The following ST7 variants were observed in gnomAD, a reference collection of about 807,000 sequenced individuals.
The protein encoded by ST7 is suppressor of tumorigenicity 7 protein.
Under a neutral mutation model 78.7 loss-of-function variants are expected in ST7, and 28 were observed. That is an observed-to-expected ratio of 0.36 (90% CI 0.26 to 0.49). ST7 has a LOEUF of 0.49. ST7 is among the 20% of genes least tolerant of loss of function. ST7 has a pLI of 0.99. For synonymous variants in ST7, 247 were observed against 249.6 expected, an observed-to-expected ratio of 0.99 and a Z score of 0.10; for missense variants, 418 against 696.0, an observed-to-expected ratio of 0.60 and a Z score of 4.49.
At chr7:116,993,057 A>G (rs1197855397) in intron 1 of ST7, among the ~76,000 whole-genome samples, 1 of 152,152 alleles carries the variant, frequency 6.6e-6, no homozygotes, top group African/African-American at 2.4e-5. Flanking sequence ...AAGCCACTCA[A>G]CAAGTCTCTG....
At chr7:116,977,686 G>T (rs1006897682) in intron 1 of ST7, among the ~76,000 whole-genome samples, 2 of 152,158 alleles carry the variant, frequency 1.3e-5, no homozygotes, top group African/African-American at 2.4e-5. Context: ...CAAGTAGGTG[G>T]GACTACAGGC....
At chr7:117,136,340 GA>G (rs750104260) in intron 8 of ST7, 105 bp downstream of exon 8, 39 of 1,373,224 alleles carry the variant, frequency 2.8e-5, no homozygotes, top group Middle Eastern at 3.7e-4. Flanking sequence ...CTAGACAAGA[GA>G]AAATATTGGC....
chr7:117,108,198 T>C (rs1802133235), intron 2 of ST7, among the ~76,000 whole-genome samples: 1 of 152,216 alleles, frequency 6.6e-6, no homozygotes, highest in Admixed American at 6.5e-5. Context: ...TCCAATGTTA[T>C]CTTCTAGAAC....
At chr7:117,062,561 G>A (rs191878116) in intron 1 of ST7, among the ~76,000 whole-genome samples, 2 of 152,330 alleles carry the variant, frequency 1.3e-5, no homozygotes, top group East Asian at 3.9e-4. Context: ...AGCAGCAGTA[G>A]CAGTGCCATT....
At chr7:117,179,535 G>A (rs901844183) in intron 10 of ST7, among the ~76,000 whole-genome samples, 1 of 152,210 alleles carries the variant, frequency 6.6e-6, no homozygotes, top group Non-Finnish European at 1.5e-5. Flanking sequence ...TGGAGGTGGT[G>A]TCTGAACTGG....
At chr7:117,039,316 G>A (rs1797082042) in intron 1 of ST7, among the ~76,000 whole-genome samples, 1 of 152,216 alleles carries the variant, frequency 6.6e-6, no homozygotes, top group Non-Finnish European at 1.5e-5. Flanking sequence ...GATGGCTCAT[G>A]TAATGTCAGC....
chr7:117,015,105 G>A (rs961888142), intron 1 of ST7: 1 of 624,738 alleles, frequency 1.6e-6, no homozygotes, highest in Non-Finnish European at 2.3e-6. Context: ...CATTGATTGT[G>A]TGAGTACTTT....
At chr7:116,981,324 G>A (rs2116327658) in intron 1 of ST7, among the ~76,000 whole-genome samples, 1 of 152,136 alleles carries the variant, frequency 6.6e-6, no homozygotes, top group Admixed American at 6.6e-5. Flanking sequence ...TGCCCAGGCT[G>A]GTCTCAAACT....
intron 15 of ST7, among the ~76,000 whole-genome samples, chr7:117,225,026 T>C (rs1319864259): frequency 4.6e-5 from 7 of 152,224 alleles, no homozygotes. Context: ...AGCACTCCCC[T>C]GGTGATGCGG....
intron 9 of ST7, among the ~76,000 whole-genome samples, chr7:117,141,366 G>T (rs773960565): frequency 1.3e-5 from 2 of 152,094 alleles, no homozygotes; most frequent in Non-Finnish European, 2.9e-5. Flanking sequence ...AAAAAAAAAT[G>T]AAAGGGAATT....
chr7:117,114,584 A>G (rs933059018), intron 2 of ST7, among the ~76,000 whole-genome samples: 2 of 152,188 alleles, frequency 1.3e-5, no homozygotes, highest in South Asian at 2.1e-4. Flanking sequence ...CTTAAGAAGC[A>G]CTTAGCCAGT....
chr7:117,055,699 T>C (rs1321581307), intron 1 of ST7, among the ~76,000 whole-genome samples: 1 of 152,224 alleles, frequency 6.6e-6, no homozygotes, highest in East Asian at 1.9e-4. Flanking sequence ...TTGGTGTTCA[T>C]ATTTGGGTAA....
At chr7:116,998,338 G>T (rs934971115) in intron 1 of ST7, among the ~76,000 whole-genome samples, 1 of 152,184 alleles carries the variant, frequency 6.6e-6, no homozygotes, top group Admixed American at 6.5e-5. Context: ...ACACTGGCCC[G>T]CAAGTGCCGT....
At chr7:117,051,300 T>C (rs910006625) in intron 1 of ST7, among the ~76,000 whole-genome samples, 1 of 152,206 alleles carries the variant, frequency 6.6e-6, no homozygotes, top group Non-Finnish European at 1.5e-5. Flanking sequence ...TCTAGGCTAA[T>C]TGGTCTCTTA....
chr7:117,090,795 A>G (rs575778880), intron 1 of ST7: 26 of 167,224 alleles, frequency 1.6e-4, no homozygotes, highest in African/African-American at 6.3e-4. Flanking sequence ...AAGGGAACAG[A>G]TCGTCTGAGA....
intron 2 of ST7, among the ~76,000 whole-genome samples, chr7:117,107,865 T>G (rs1802106041): frequency 6.6e-6 from 1 of 152,046 alleles, no homozygotes; most frequent in South Asian, 2.1e-4. Context: ...CCCACCTGCC[T>G]CGGCCTCCCA....
chr7:116,965,230 C>T lies in ST7; in HGVS notation c.151+11539C>T, dbSNP rs369851382. 9.2e-5 allele frequency among the ~76,000 whole-genome samples: 14 copies of T among 151,720 alleles called. No homozygotes were observed. In the East Asian group the frequency reaches 1.6e-3, roughly 17 times the overall value. On this transcript the variant is annotated intron_variant, in intron 1 of 15. Coordinates refer to ENST00000323984, the MANE Select transcript of ST7 (RefSeq NM_001369598.1). The stretch of plus-strand genomic sequence containing the variant: ...TGGCGGGCGCCTGTAGTCCCAGCTA[C>T]TCCAGAGGCTGAGGCCGGAGAATGG...
chr7:117,112,362 A>G (rs1317243111), intron 2 of ST7: 1 of 152,214 alleles, frequency 6.6e-6, no homozygotes, highest in African/African-American at 2.4e-5. Context: ...CTTTGCATAT[A>G]TTATTTCATT....
chr7:116,984,818 G>A (rs1794123422), intron 1 of ST7, among the ~76,000 whole-genome samples: 1 of 151,988 alleles, frequency 6.6e-6, no homozygotes, highest in Non-Finnish European at 1.5e-5. Flanking sequence ...AGCTCAATCT[G>A]GACTGTTCTC....
Sources: gnomAD v4.1 joint callset for allele counts (sites outside exome capture counted in the v4.1 genomes callset) on GRCh38, gnomAD v4.1.1 for gene constraint, MANE v1.5 for transcripts, NCBI Gene and HGNC (gene_info 2026-07-23, HGNC 2026-07-21) for gene names.